DNM3: variants seen among roughly 807,000 people sequenced by gnomAD.
DNM3 encodes the protein dynamin-3.
A neutral mutation model predicts 101.6 loss-of-function variants in DNM3; 47 were observed. The observed-to-expected ratio is 0.46, with a 90% CI of 0.37 to 0.59. The LOEUF (loss-of-function observed/expected upper bound fraction) is 0.59. DNM3 is among the 20% of genes least tolerant of loss of function. The pLI is 0.00. For missense variants in DNM3, 849 were observed against 1,085.7 expected, an observed-to-expected ratio of 0.78 and a Z score of 3.06; for synonymous variants, 385 against 387.9, an observed-to-expected ratio of 0.99 and a Z score of 0.09.
intron 2 of DNM3, among the ~76,000 whole-genome samples, chr1:171,936,647 T>C (rs1032803779): frequency 6.6e-6 from 1 of 152,212 alleles, no homozygotes; most frequent in East Asian, 1.9e-4. Flanking sequence ...ATGTTAAATG[T>C]ATTATTCATT....
chr1:171,980,387 T>C (rs1017821207), intron 2 of DNM3, among the ~76,000 whole-genome samples: 1 of 152,200 alleles, frequency 6.6e-6, no homozygotes, highest in African/African-American at 2.4e-5. Context: ...ATATACCATG[T>C]GTAATGATCA....
At chr1:171,878,922 T>C (rs1392665158) in intron 1 of DNM3, among the ~76,000 whole-genome samples, 1 of 152,162 alleles carries the variant, frequency 6.6e-6, no homozygotes, top group African/African-American at 2.4e-5. Flanking sequence ...TTAGATCCTT[T>C]GTCATTGTGG....
chr1:172,297,932 TG>T (rs2064245094), intron 15 of DNM3, among the ~76,000 whole-genome samples: 1 of 152,116 alleles, frequency 6.6e-6, no homozygotes, highest in South Asian at 2.1e-4. Context: ...TCTTTTTTTC[TG>T]GAACTCCTCT....
chr1:172,034,649 T>C (rs1424484946), intron 6 of DNM3, among the ~76,000 whole-genome samples: 2 of 152,144 alleles, frequency 1.3e-5, no homozygotes, highest in Non-Finnish European at 2.9e-5. Flanking sequence ...TCTCTCTTTA[T>C]TGCTTCAATA....
chr1:171,920,952 T>C (rs546722601), intron 1 of DNM3, among the ~76,000 whole-genome samples: 8 of 152,164 alleles, frequency 5.3e-5, no homozygotes, highest in Non-Finnish European at 8.8e-5. Context: ...TAGACAAGAG[T>C]CTCACTCTGT....
chr1:172,022,769 A>G (rs1275455184), intron 4 of DNM3, among the ~76,000 whole-genome samples: 1 of 151,846 alleles, frequency 6.6e-6, no homozygotes, highest in South Asian at 2.1e-4. Flanking sequence ...TCTTAGTTTT[A>G]GATACTCTCT....
chr1:172,214,898 CA>C (rs1266718388), intron 14 of DNM3, among the ~76,000 whole-genome samples: 1 of 151,824 alleles, frequency 6.6e-6, no homozygotes, highest in East Asian at 1.9e-4. Flanking sequence ...ACCAAATAGA[CA>C]AAAATGCAGA....
intron 14 of DNM3, among the ~76,000 whole-genome samples, chr1:172,185,776 T>C (rs549080903): frequency 1.2e-4 from 18 of 152,246 alleles, no homozygotes. Context: ...GTTTATTTCA[T>C]AGCTGGTTTT....
intron 2 of DNM3, among the ~76,000 whole-genome samples, chr1:171,942,338 T>C (rs1029817012): frequency 1.3e-5 from 2 of 151,712 alleles, no homozygotes; most frequent in African/African-American, 2.4e-5. Context: ...TGTTAAGTCC[T>C]AGTTATAAGT....
intron 10 of DNM3, among the ~76,000 whole-genome samples, chr1:172,065,714 C>T (rs971883302): frequency 6.6e-5 from 10 of 152,006 alleles, no homozygotes; most frequent in African/African-American, 1.5e-4. Flanking sequence ...CTCATGGAGA[C>T]GCTGGTGATG....
At chr1:172,113,835 C>G (rs1210145413) in intron 13 of DNM3, among the ~76,000 whole-genome samples, 1 of 152,064 alleles carries the variant, frequency 6.6e-6, no homozygotes, top group African/African-American at 2.4e-5. Flanking sequence ...CAATCTCAAT[C>G]ACAAATTTAT....
At chr1:171,952,934 A>G (rs149156442) in intron 2 of DNM3, among the ~76,000 whole-genome samples, 1 of 151,974 alleles carries the variant, frequency 6.6e-6, no homozygotes, top group Non-Finnish European at 1.5e-5. Context: ...TGAATAAAAC[A>G]CTCTCCTTTT....
chr1:172,039,347 A>G (rs1171018366), intron 7 of DNM3, among the ~76,000 whole-genome samples: 1 of 152,192 alleles, frequency 6.6e-6, no homozygotes, highest in Non-Finnish European at 1.5e-5. Flanking sequence ...TTCAAAGTGC[A>G]CACTATAATT....
chr1:171,981,859 G>A (rs1256449508), intron 2 of DNM3, among the ~76,000 whole-genome samples: 4 of 152,050 alleles, frequency 2.6e-5, no homozygotes, highest in Admixed American at 6.5e-5. Context: ...GTTATACTGC[G>A]ACAAAATAAA....
At chr1:172,087,863 T>G (rs1458840640) in intron 12 of DNM3, among the ~76,000 whole-genome samples, 1 of 152,202 alleles carries the variant, frequency 6.6e-6, no homozygotes, top group Non-Finnish European at 1.5e-5. Flanking sequence ...TGTATCTTGT[T>G]TACCTCTTCA....
chr1:171,973,248 T>C (rs572526940), intron 2 of DNM3, among the ~76,000 whole-genome samples: 1 of 152,260 alleles, frequency 6.6e-6, no homozygotes, highest in African/African-American at 2.4e-5. Flanking sequence ...ACAGTTAATG[T>C]GGGGTGGCTA....
chr1:172,145,882 A>G (rs1259769119), intron 14 of DNM3, among the ~76,000 whole-genome samples: 1 of 152,198 alleles, frequency 6.6e-6, no homozygotes. Flanking sequence ...ACCAAAGGTT[A>G]TAAGATATCA....
intron 17 of DNM3, among the ~76,000 whole-genome samples, chr1:172,377,209 A>G (rs2068645382): frequency 7.8e-6 from 1 of 128,024 alleles, no homozygotes; most frequent in South Asian, 2.7e-4. Flanking sequence ...TTATTGAACA[A>G]ATTTCAGTTC....
chr1:172,409,602 A>T lies in DNM3; in HGVS notation c.*1761A>T, dbSNP rs967580382. 9 of 985,586 alleles carry T rather than the reference A, an allele frequency of 9.1e-6. No homozygotes were observed. The Admixed American group carries it at 4.9e-4, about 54-fold the overall frequency. The allele number at this position is 985,586 out of a possible 1,614,324, so 61.1% of individuals were successfully genotyped here. On this transcript the variant is annotated 3_prime_UTR_variant, in exon 21 of 21. Transcript: ENST00000627582. ...CCAAACCCCAAACTGGGGGAAAAAAAGTTAACTCTTTGTGAATGGAACCAA... is the reference window on the plus strand; with the variant it reads ...CCAAACCCCAAACTGGGGGAAAAAATGTTAACTCTTTGTGAATGGAACCAA...
Sources: gnomAD v4.1 joint callset for allele counts (sites outside exome capture counted in the v4.1 genomes callset) on GRCh38, gnomAD v4.1.1 for gene constraint, MANE v1.5 for transcripts, NCBI Gene and HGNC (gene_info 2026-07-23, HGNC 2026-07-21) for gene names.